The following DGKI variants were observed in gnomAD, a reference collection of about 807,000 sequenced individuals.
DGKI encodes diacylglycerol kinase iota, also known as DAG kinase iota.
A neutral mutation model predicts 147.5 loss-of-function variants in DGKI; 55 were observed. That is an observed-to-expected ratio of 0.37 (90% CI 0.30 to 0.47). DGKI has a LOEUF of 0.47. Ranked by LOEUF, DGKI falls within the 20% of genes least tolerant of loss-of-function variation. The probability of loss-of-function intolerance (pLI) is 1.00; values close to 1 mark genes in which losing one functional copy is unlikely to be tolerated. For synonymous variants in DGKI, 469 were observed against 477.1 expected, an observed-to-expected ratio of 0.98 and a Z score of 0.22; for missense variants, 1,007 against 1,323.8, an observed-to-expected ratio of 0.76 and a Z score of 3.71.
intron 1 of DGKI, among the ~76,000 whole-genome samples, chr7:137,770,847 A>ATTTT (rs1440084901): frequency 1.3e-5 from 2 of 151,766 alleles, no homozygotes; most frequent in African/African-American, 4.9e-5. Flanking sequence ...GTGGGTTTTA[A>ATTTT]TAAAATATTT....
chr7:137,705,659 G>A (rs1371772680), intron 1 of DGKI, among the ~76,000 whole-genome samples: 2 of 151,906 alleles, frequency 1.3e-5, no homozygotes, highest in African/African-American at 4.8e-5. Context: ...TTATACAACT[G>A]TACACATTTG....
chr7:137,718,462 C>T (rs1314186004), intron 1 of DGKI, among the ~76,000 whole-genome samples: 1 of 152,100 alleles, frequency 6.6e-6, no homozygotes. Context: ...GAAAGAGGCA[C>T]TATTACAAAA....
chr7:137,543,184 T>A (rs977086565), intron 20 of DGKI, among the ~76,000 whole-genome samples: 1 of 152,212 alleles, frequency 6.6e-6, no homozygotes, highest in African/African-American at 2.4e-5. Flanking sequence ...TCATGATTTA[T>A]GAAATGTAGT....
intron 8 of DGKI, among the ~76,000 whole-genome samples, chr7:137,618,917 T>C (rs939297027): frequency 1.3e-5 from 2 of 152,204 alleles, no homozygotes; most frequent in Non-Finnish European, 2.9e-5. Flanking sequence ...CTAAACTTTA[T>C]ATAAAACACA....
chr7:137,541,108 G>A (rs1022794784), intron 20 of DGKI, among the ~76,000 whole-genome samples: 4 of 152,076 alleles, frequency 2.6e-5, no homozygotes, highest in African/African-American at 4.8e-5. Flanking sequence ...GAATAAATTT[G>A]GAAGAATAAT....
At position 137,737,934 on chromosome 7, in the gene DGKI, C is replaced by G. The variant is rs140836822; in HGVS notation, c.402-47932G>C. Among the ~76,000 whole-genome samples, 1,358 of 152,168 alleles carry G rather than the reference C, an allele frequency of 8.9e-3. 18 individuals carry two copies. Among genetic ancestry groups the G allele is most frequent in the African/African-American group, 0.031 (1,283 of 41,534 alleles). The stretch of plus-strand genomic sequence containing the variant: ...TTCAATAATTTCTATGATTAATCTG[C>G]GTGCCACAAGTTCTGTGCAAAGAAC... On this transcript the variant is annotated intron_variant, in intron 1 of 32. Coordinates refer to ENST00000614521, the MANE Select transcript of DGKI (RefSeq NM_001321708.2).
In DGKI at chr7:137,577,891, C is replaced by T. The variant is rs944320002; in HGVS notation, c.1698+379G>A. On this transcript the variant is annotated intron_variant, in intron 16 of 32. Transcript: ENST00000614521. ...AGTTTCTAATCCAAACGTCAATGTG[C>T]GCACCCTGGTGAAAACTACGTTCTT... Among the ~76,000 whole-genome samples, 10 of 152,210 alleles carry T rather than the reference C, an allele frequency of 6.6e-5. No homozygotes were observed. The South Asian group carries it at 1.4e-3, about 22-fold the overall frequency.
chr7:137,604,692 T>C (rs930384394), intron 10 of DGKI, among the ~76,000 whole-genome samples: 1 of 149,776 alleles, frequency 6.7e-6, no homozygotes, highest in Non-Finnish European at 1.5e-5. Context: ...GATGATCAGA[T>C]AGAATCATCC....
At chr7:137,598,018 G>T in intron 11 of DGKI, 111 bp from the exon 12 acceptor site, 1 of 868,756 alleles carries the variant, frequency 1.2e-6, no homozygotes, top group Non-Finnish European at 1.8e-6. Flanking sequence ...TGGAGAAAAT[G>T]TGTAATCATG....
intron 1 of DGKI, among the ~76,000 whole-genome samples, chr7:137,758,808 T>C (rs1230716638): frequency 1.3e-5 from 2 of 152,156 alleles, no homozygotes; most frequent in African/African-American, 2.4e-5. Context: ...AAGATCACAC[T>C]GGGTGTTATC....
At position 137,383,227 on chromosome 7, in the gene DGKI, A is replaced by C. The variant is rs1465386949; in HGVS notation, c.*7993T>G. The C allele has an allele frequency of 2.0e-5, 3 of 151,072 alleles. No individual in the cohort carries two copies. The highest frequency in any genetic ancestry group is 4.4e-5 in the Non-Finnish European group (3 of 67,702). The allele number at this position is 151,072 out of a possible 1,614,324, so 9.4% of individuals were successfully genotyped here. A position where few individuals can be genotyped will look rare whatever the true frequency, so the allele number is the denominator to read the frequency against. On this transcript the variant is annotated 3_prime_UTR_variant, in exon 33 of 33. Transcript: ENST00000614521. Reference sequence around the variant, plus strand: ...TGGGAATTGGCTAACAATTGGCAAAATTGCTAGCCAATTTCCAAATCTCCT... The same window carrying C: ...TGGGAATTGGCTAACAATTGGCAAACTTGCTAGCCAATTTCCAAATCTCCT...
intron 10 of DGKI, among the ~76,000 whole-genome samples, chr7:137,601,277 A>T (rs1272592680): frequency 1.3e-5 from 2 of 152,270 alleles, no homozygotes; most frequent in African/African-American, 2.4e-5. Context: ...TCTCAAAAAA[A>T]AAAAAGAAAA....
intron 1 of DGKI, among the ~76,000 whole-genome samples, chr7:137,719,442 G>C (rs550907883): frequency 8.6e-5 from 13 of 151,964 alleles, no homozygotes; most frequent in African/African-American, 3.1e-4. Context: ...CATTTTCTAG[G>C]CAGAATCATC....
rs1798709982 is a variant in DGKI, at chr7:137,846,134, T to TTCTGTCTCTC, written c.401+327_401+328insGAGAGACAGA. On this transcript the variant is annotated intron_variant, in intron 1 of 32. Transcript: ENST00000614521. This position sits in a 1 kb window ranked among gnomAD's most constrained non-coding sequence, Gnocchi z 4.0. ...TCTGCAACCCTTTCTCTCTCTCTCT[T>TTCTGTCTCTC]TCTCTCTCTCTCTCTCTCTCTCTCT... 1.2e-5 allele frequency among the ~76,000 whole-genome samples: 1 copy of TTCTGTCTCTC among 85,330 alleles called. No individual in the cohort carries two copies. Among genetic ancestry groups the TTCTGTCTCTC allele is most frequent in the Non-Finnish European group, 2.2e-5 (1 of 45,212 alleles). The allele number at this position is 85,330 out of a possible 152,430, so 56.0% of individuals were successfully genotyped here.
At chr7:137,627,483 C>T (rs769247746) in intron 6 of DGKI, among the ~76,000 whole-genome samples, 6 of 152,184 alleles carry the variant, frequency 3.9e-5, no homozygotes, top group Non-Finnish European at 7.3e-5. Flanking sequence ...ACAAACTTCA[C>T]GCTATCCAGA....
chr7:137,512,275 G>C (rs1816604982), intron 21 of DGKI, among the ~76,000 whole-genome samples: 1 of 152,212 alleles, frequency 6.6e-6, no homozygotes, highest in African/African-American at 2.4e-5. Context: ...TCCTTGTAAT[G>C]ATGCATGTGG....
chr7:137,505,939 T>TA (rs144145164), intron 21 of DGKI, among the ~76,000 whole-genome samples: 6,969 of 151,640 alleles, frequency 0.046, 356 homozygotes, highest in African/African-American at 0.12. Flanking sequence ...TGGCTAAAAT[T>TA]AAAAAAAACC....
intron 9 of DGKI, 52 bp downstream of exon 9, chr7:137,609,483 G>C (rs1385184438): frequency 7.1e-7 from 1 of 1,398,934 alleles, no homozygotes; most frequent in Admixed American, 1.7e-5. Flanking sequence ...GGACAGAGTA[G>C]ACTATGGAAA....
At chr7:137,777,882 G>T (rs1796406452) in intron 1 of DGKI, among the ~76,000 whole-genome samples, 1 of 152,084 alleles carries the variant, frequency 6.6e-6, no homozygotes, top group South Asian at 2.1e-4. Context: ...AAATATTTGG[G>T]AATGACCAGA....
Sources: allele counts gnomAD v4.1 joint callset (sites outside exome capture counted in the v4.1 genomes callset), GRCh38; gene constraint gnomAD v4.1.1; non-coding constraint Gnocchi (gnomAD v3.1); transcripts MANE v1.5; gene names NCBI Gene and HGNC (gene_info 2026-07-23, HGNC 2026-07-21).